The following OTUD7A variants were observed in gnomAD, a reference collection of about 807,000 sequenced individuals.
OTUD7A encodes the protein OTU domain-containing protein 7A.
Under a neutral mutation model 65.7 loss-of-function variants are expected in OTUD7A, and 12 were observed. The ratio of observed to expected loss-of-function variants is 0.18; its 90% CI spans 0.12 to 0.30. The LOEUF is 0.30. Among genes scored for constraint, OTUD7A ranks in the 10% least tolerant of loss-of-function variants. The pLI, the probability that OTUD7A is intolerant of heterozygous loss-of-function variation, is 1.00. For synonymous variants in OTUD7A, 641 were observed against 586.3 expected (o/e 1.09, Z -1.35); for missense variants, 1,148 against 1,304.8 (o/e 0.88, Z 1.85).
chr15:31,559,896 GC>G (rs530888922), intron 4 of OTUD7A, among the ~76,000 whole-genome samples: 50 of 152,294 alleles, frequency 3.3e-4, no homozygotes, highest in Admixed American at 7.2e-4. Context: ...TATCCTACAA[GC>G]CTTTTCTATC....
intron 1 of OTUD7A, among the ~76,000 whole-genome samples, chr15:31,760,146 C>T (rs1036620031): frequency 3.9e-5 from 6 of 152,140 alleles, no homozygotes; most frequent in Non-Finnish European, 8.8e-5. Context: ...TAATGGAGAA[C>T]TCTTGATCTT....
At chr15:31,548,180 TTGTGGGCCTCCCGGGCCACCCCCATCATC>T (rs1207426588) in intron 5 of OTUD7A, among the ~76,000 whole-genome samples, 20 of 152,150 alleles carry the variant, frequency 1.3e-4, no homozygotes, top group Middle Eastern at 3.2e-3. Context: ...CTGCCGTGAT[TTGTGGGCCTCCCGGGCCACCCCCATCATC>T]TGTGGGCGCC....
At position 31,823,152 on chromosome 15, in the gene OTUD7A, GA is replaced by G. The variant is rs1595794164; in HGVS notation, c.-100+47354del. 2.0e-5 allele frequency among the ~76,000 whole-genome samples: 3 copies of G among 152,184 alleles called. No homozygotes were observed. The South Asian group carries it at 6.2e-4, about 32-fold the overall frequency. On this transcript the variant is annotated intron_variant, in intron 1 of 12. Coordinates refer to ENST00000307050, the MANE Select transcript of OTUD7A (RefSeq NM_001382637.1). ...GCTCTGCTCCTCGATGTCTCCCCAG[GA>G]CACCTCTTTCGCACACAAAGCCGGT... is the stretch of plus-strand genomic sequence containing the variant.
At chr15:31,634,559 A>G (rs1891281289) in intron 3 of OTUD7A, among the ~76,000 whole-genome samples, 1 of 152,164 alleles carries the variant, frequency 6.6e-6, no homozygotes, top group Non-Finnish European at 1.5e-5. Flanking sequence ...GCCTTCCTTC[A>G]CGGAGCTCTG....
Position 31,527,286 on chromosome 15 carries a change from C to T in OTUD7A, c.675G>A (p.Arg225=). The change falls in exon 7 of 13, where the codon CGG becomes CGA. Residue 225 remains arginine, a synonymous_variant. Transcript: ENST00000307050. ...ASLGMWGFHD[R]DLVLRKALYT... The stretch of plus-strand genomic sequence containing the variant: ...AGAGAGCTTTCCGTAACACCAGGTC[C>T]CGGTCGTGAAACCCCCACATTCCTG... The T allele has an allele frequency of 6.2e-7, 1 of 1,614,112 alleles. No individual in the cohort carries two copies. Among genetic ancestry groups the T allele is most frequent in the Non-Finnish European group, 8.5e-7 (1 of 1,179,992 alleles).
At chr15:31,800,989 G>C (rs1379940445) in intron 1 of OTUD7A, among the ~76,000 whole-genome samples, 2 of 147,034 alleles carry the variant, frequency 1.4e-5, no homozygotes, top group African/African-American at 5.1e-5. Flanking sequence ...AACAAACAAA[G>C]CAGGAAACAA....
intron 1 of OTUD7A, among the ~76,000 whole-genome samples, chr15:31,769,369 A>C (rs1034388151): frequency 2.0e-5 from 3 of 152,264 alleles, no homozygotes; most frequent in Non-Finnish European, 4.4e-5. Flanking sequence ...GCTTCAAATT[A>C]CATGAAGCAA....
At chr15:31,691,167 A>G (rs1031816397) in intron 1 of OTUD7A, among the ~76,000 whole-genome samples, 30 of 152,250 alleles carry the variant, frequency 2.0e-4, no homozygotes, top group Non-Finnish European at 4.0e-4. Context: ...TATATTAACC[A>G]AAGTGATTTA....
chr15:31,559,856 A>G (rs1888633953), intron 4 of OTUD7A, among the ~76,000 whole-genome samples: 1 of 152,222 alleles, frequency 6.6e-6, no homozygotes, highest in Admixed American at 6.5e-5. Flanking sequence ...ATACACATGC[A>G]CACCCATATT....
At chr15:31,742,653 A>C (rs1894373869) in intron 1 of OTUD7A, among the ~76,000 whole-genome samples, 1 of 152,148 alleles carries the variant, frequency 6.6e-6, no homozygotes. Context: ...ATTATTTCCA[A>C]GTTGCATACA....
At chr15:31,558,940 G>T in intron 5 of OTUD7A, 29 bp downstream of exon 5, 1 of 1,608,772 alleles carries the variant, frequency 6.2e-7, no homozygotes. Context: ...AGCCTAAAGA[G>T]GGTGGGCCTG....
At chr15:31,767,089 A>T (rs1895110118) in intron 1 of OTUD7A, 1 of 1,562,056 alleles carries the variant, frequency 6.4e-7, no homozygotes, top group African/African-American at 1.4e-5. Context: ...GCTTATCTGT[A>T]GTCTCTCAGT....
At chr15:31,776,676 C>T (rs1895389753) in intron 1 of OTUD7A, among the ~76,000 whole-genome samples, 1 of 152,194 alleles carries the variant, frequency 6.6e-6, no homozygotes, top group African/African-American at 2.4e-5. Flanking sequence ...ACAATGCATG[C>T]CTGTGTGTCA....
At chr15:31,750,878 A>G (rs1894616370) in intron 1 of OTUD7A, among the ~76,000 whole-genome samples, 1 of 152,246 alleles carries the variant, frequency 6.6e-6, no homozygotes, top group Non-Finnish European at 1.5e-5. Context: ...AGCCATATGC[A>G]GAAGAATGAA....
chr15:31,837,830 G>T (rs1897093183), intron 1 of OTUD7A, among the ~76,000 whole-genome samples: 1 of 152,054 alleles, frequency 6.6e-6, no homozygotes, highest in East Asian at 1.9e-4. Flanking sequence ...AAATAACTTT[G>T]AAAAAGAGGA....
intron 3 of OTUD7A, among the ~76,000 whole-genome samples, chr15:31,613,152 G>A (rs1890481712): frequency 6.6e-6 from 1 of 152,150 alleles, no homozygotes; most frequent in African/African-American, 2.4e-5. Context: ...ACTCAAGAGG[G>A]ATTAATGACT....
intron 1 of OTUD7A, among the ~76,000 whole-genome samples, chr15:31,820,762 A>G (rs1229903397): frequency 6.6e-6 from 1 of 152,186 alleles, no homozygotes; most frequent in African/African-American, 2.4e-5. Flanking sequence ...TATTTTTTCA[A>G]TTTGTAAATT....
chr15:31,763,512 G>GA (rs1422874000), intron 1 of OTUD7A, among the ~76,000 whole-genome samples: 1 of 151,942 alleles, frequency 6.6e-6, no homozygotes, highest in Non-Finnish European at 1.5e-5. Flanking sequence ...AGAAAAAAAT[G>GA]AAAAAAATTA....
At position 31,753,684 on chromosome 15, in the gene OTUD7A, G is replaced by GATAT. The variant is rs374008491; in HGVS notation, c.-99-96608_-99-96607insATAT. 7.6e-3 allele frequency among the ~76,000 whole-genome samples: 466 copies of GATAT among 61,054 alleles called. 19 individuals are homozygous for GATAT. Among genetic ancestry groups the GATAT allele is most frequent in the Non-Finnish European group, 0.011 (378 of 34,556 alleles). 40.1% of individuals were successfully genotyped at this position (61,054 alleles called of 152,430 possible). A position where few individuals can be genotyped will look rare whatever the true frequency, so the allele number is the denominator to read the frequency against. On this transcript the variant is annotated intron_variant, in intron 1 of 12. Transcript: ENST00000307050. ...CATCATATATATATATATAACCTGT[G>GATAT]AGATATATATATATATATTATATAT...
Sources: allele counts gnomAD v4.1 joint callset (sites outside exome capture counted in the v4.1 genomes callset), GRCh38; gene constraint gnomAD v4.1.1; transcripts MANE v1.5; gene names NCBI Gene and HGNC (gene_info 2026-07-23, HGNC 2026-07-21).